Variants in EPHX2 observed in about 807,000 individuals in gnomAD.
EPHX2 encodes epoxide hydrolase 2, also known as bifunctional epoxide hydrolase 2.
EPHX2 carries 74 observed loss-of-function variants against 78.7 expected under a neutral mutation model. The ratio of observed to expected loss-of-function variants is 0.94; its 90% CI spans 0.78 to 1.14. The LOEUF is 1.14. Among genes scored for constraint, EPHX2 ranks in the 50% most tolerant of loss-of-function variants. The probability of loss-of-function intolerance (pLI) is 0.00; values close to 1 mark genes in which losing one functional copy is unlikely to be tolerated. For missense variants in EPHX2, 715 were observed against 702.5 expected, an observed-to-expected ratio of 1.02 and a Z score of -0.20; for synonymous variants, 251 against 255.2, an observed-to-expected ratio of 0.98 and a Z score of 0.16.
chr8:27,531,649 C>T (rs762840859), intron 12 of EPHX2, among the ~76,000 whole-genome samples: 3 of 152,180 alleles, frequency 2.0e-5, no homozygotes, highest in African/African-American at 7.2e-5. Context: ...CATCCTTTGG[C>T]GTTACTTGTA....
chr8:27,527,358 A>G lies in EPHX2; in HGVS notation c.1170+1885A>G, dbSNP rs551851767. ...GGATTATAGGTGTGAGCTACTGCAC[A>G]TGGCCTAAAATATTTTTAATTGTGG... On this transcript the variant is annotated intron_variant, in intron 12 of 18. Transcript: ENST00000521400. Among the ~76,000 whole-genome samples, 479 of 152,298 alleles carry G rather than the reference A, an allele frequency of 3.1e-3. 2 individuals are homozygous for G. Among genetic ancestry groups the G allele is most frequent in the African/African-American group, 0.011 (468 of 41,566 alleles).
chr8:27,507,658 C>T (rs975885670), intron 5 of EPHX2, among the ~76,000 whole-genome samples: 2 of 152,218 alleles, frequency 1.3e-5, no homozygotes, highest in African/African-American at 2.4e-5. Context: ...GATGCACAGC[C>T]ATTGCCTCAA....
chr8:27,531,319 T>TG (rs1359301720), intron 12 of EPHX2, among the ~76,000 whole-genome samples: 2 of 152,224 alleles, frequency 1.3e-5, no homozygotes, highest in African/African-American at 4.8e-5. Context: ...CATCAGCATG[T>TG]GGCAGGCGGC....
chr8:27,498,472 G>A (rs1233048666), intron 1 of EPHX2, among the ~76,000 whole-genome samples: 2 of 151,786 alleles, frequency 1.3e-5, no homozygotes, highest in African/African-American at 4.8e-5. Flanking sequence ...TCTTCTTCCT[G>A]TATAGTTATA....
intron 12 of EPHX2, among the ~76,000 whole-genome samples, chr8:27,528,804 A>G (rs1404738558): frequency 2.0e-5 from 3 of 151,828 alleles, no homozygotes; most frequent in Non-Finnish European, 4.4e-5. Flanking sequence ...TTTTATTATT[A>G]TTATTATTTG....
downstream of EPHX2, among the ~76,000 whole-genome samples, chr8:27,547,715 A>G (rs938880469): frequency 6.6e-6 from 1 of 151,754 alleles, no homozygotes; most frequent in African/African-American, 2.4e-5. Flanking sequence ...CTCTTCCCCA[A>G]CCCTTCCCAG....
At chr8:27,521,005 A>G (rs1814625911) in intron 10 of EPHX2, 96 bp downstream of exon 10, 1 of 1,509,940 alleles carries the variant, frequency 6.6e-7, no homozygotes. Flanking sequence ...GTGCACGGGC[A>G]GGGAGGGCCC....
At chr8:27,510,003 A>C (rs1366095571) in intron 5 of EPHX2, among the ~76,000 whole-genome samples, 3 of 152,082 alleles carry the variant, frequency 2.0e-5, no homozygotes, top group Non-Finnish European at 4.4e-5. Flanking sequence ...CTCCCGCCCG[A>C]CCATGGGCTC....
rs1187338129 is a variant in EPHX2, at chr8:27,516,483, C to T, written c.910+85C>T. On this transcript the variant is annotated intron_variant, in intron 8 of 18. Transcript: ENST00000521400. Reference sequence around the variant, plus strand: ...TCCACGCCTCGGTGCTTTCCCTGGTCCCAGATCAGAGTAGCCTTCCCCTTA... The same window carrying T: ...TCCACGCCTCGGTGCTTTCCCTGGTTCCAGATCAGAGTAGCCTTCCCCTTA... 2.3e-6 allele frequency: 3 copies of T among 1,277,104 alleles called. No homozygotes were observed. In the East Asian group the frequency reaches 7.0e-5, roughly 30 times the overall value. 79.1% of individuals were successfully genotyped at this position (1,277,104 alleles called of 1,614,324 possible).
At chr8:27,529,846 G>C (rs1814970640) in intron 12 of EPHX2, among the ~76,000 whole-genome samples, 1 of 149,956 alleles carries the variant, frequency 6.7e-6, no homozygotes, top group African/African-American at 2.5e-5. Flanking sequence ...GGGAGATGGA[G>C]GTTGCAGTGA....
At chr8:27,541,186 A>T (rs777337351) in intron 15 of EPHX2, among the ~76,000 whole-genome samples, 3 of 152,130 alleles carry the variant, frequency 2.0e-5, no homozygotes, top group Non-Finnish European at 4.4e-5. Context: ...ACACGATGAC[A>T]TTCCCTGGAG....
Position 27,544,782 on chromosome 8 carries a change from G to T in EPHX2, c.*260G>T. 1 of 487,846 alleles carries T rather than the reference G, an allele frequency of 2.0e-6. No individual in the cohort carries two copies. The allele number at this position is 487,846 out of a possible 1,614,324, so 30.2% of individuals were successfully genotyped here. A position where few individuals can be genotyped will look rare whatever the true frequency, so the allele number is the denominator to read the frequency against. On this transcript the variant is annotated 3_prime_UTR_variant, in exon 19 of 19. Coordinates refer to ENST00000521400, the MANE Select transcript of EPHX2 (RefSeq NM_001979.6). ...TATCTGTAAGAACCCTTAGTGTCCT[G>T]TAGGGGGACAGAATGGGGTGGCCAG...
At chr8:27,512,226 G>T in intron 6 of EPHX2, 1 of 327,620 alleles carries the variant, frequency 3.1e-6, no homozygotes, top group Non-Finnish European at 5.8e-6. Context: ...GTGAAAGACA[G>T]ACCCTGTCTC....
At chr8:27,519,853 A>G (rs1220160291) in intron 9 of EPHX2, among the ~76,000 whole-genome samples, 1 of 152,180 alleles carries the variant, frequency 6.6e-6, no homozygotes, top group Non-Finnish European at 1.5e-5. Flanking sequence ...TGCTGGTCAC[A>G]GTCTGCACAG....
At chr8:27,494,287 A>G (rs1211468698) in intron 1 of EPHX2, among the ~76,000 whole-genome samples, 2 of 152,204 alleles carry the variant, frequency 1.3e-5, no homozygotes, top group Admixed American at 1.3e-4. Context: ...GGTATTCGGT[A>G]TTCGTGGTCA....
chr8:27,536,908 G>A, intron 13 of EPHX2, 53 bp downstream of exon 13: 2 of 1,594,256 alleles, frequency 1.3e-6, no homozygotes, highest in South Asian at 1.1e-5. Flanking sequence ...TGTGAAGGAA[G>A]TAGGGTACCT....
rs188980967 is a variant in EPHX2, at chr8:27,513,441, A to G, written c.735+1531A>G. On this transcript the variant is annotated intron_variant, in intron 6 of 18. Transcript: ENST00000521400. ...TAATTCCCTTAGGGTTTGCATATCC[A>G]GCCAGTTTCAAGAGATTATTTATTT... Among the ~76,000 whole-genome samples, 3 of 152,292 alleles carry G rather than the reference A, an allele frequency of 2.0e-5. No individual in the cohort carries two copies. The East Asian group carries it at 5.8e-4, about 29-fold the overall frequency.
intron 6 of EPHX2, chr8:27,515,427 C>G (rs374868117): frequency 5.2e-6 from 2 of 385,722 alleles, no homozygotes. Context: ...GTATGGGGGC[C>G]TTGTAGAGAG....
chr8:27,543,520 C>CA (rs1281171053), intron 16 of EPHX2, among the ~76,000 whole-genome samples: 2 of 152,302 alleles, frequency 1.3e-5, no homozygotes, highest in African/African-American at 4.8e-5. Flanking sequence ...TGCAGCTCAG[C>CA]ACACGTTCTC....
Sources: gnomAD v4.1 joint callset for allele counts (sites outside exome capture counted in the v4.1 genomes callset) on GRCh38, gnomAD v4.1.1 for gene constraint, MANE v1.5 for transcripts, NCBI Gene and HGNC (gene_info 2026-07-23, HGNC 2026-07-21) for gene names.